TUBB8B: variants seen among roughly 807,000 people sequenced by gnomAD.
TUBB8B encodes the protein HSA18p11 beta-tubulin 4Q pseudogene.
A neutral mutation model predicts 31.9 loss-of-function variants in TUBB8B; 26 were observed. The ratio of observed to expected loss-of-function variants is 0.81; its 90% CI spans 0.60 to 1.13. TUBB8B has a LOEUF of 1.13. Ranked by LOEUF, TUBB8B falls within the 50% of genes most tolerant of loss-of-function variation. TUBB8B has a pLI of 0.00. For missense variants in TUBB8B, 467 were observed against 586.7 expected, an observed-to-expected ratio of 0.80 and a Z score of 2.11; for synonymous variants, 173 against 231.0, an observed-to-expected ratio of 0.75 and a Z score of 2.28.
chr18:48,680 C>CT lies in TUBB8B; in HGVS notation c.278-234dup, dbSNP rs996797051. On this transcript the variant is annotated intron_variant, in intron 3 of 3. Coordinates refer to ENST00000308911, the MANE Select transcript of TUBB8B (RefSeq NM_001358689.2). ...TCACAGACCTCGCTGCAGGTGGCTCCTGCCCATTCTCAGGAAAGGCAGTAG... is the reference window on the plus strand; with the variant it reads ...TCACAGACCTCGCTGCAGGTGGCTCCTTGCCCATTCTCAGGAAAGGCAGTAG... The CT allele has an allele frequency of 5.7e-5, 38 of 661,082 alleles. 2 individuals carry two copies. Among genetic ancestry groups the CT allele is most frequent in the Non-Finnish European group, 9.6e-5 (35 of 366,332 alleles). The allele number at this position is 661,082 out of a possible 1,614,324, so 41.0% of individuals were successfully genotyped here.
At chr18:52,520 G>A (rs1906150595), upstream of TUBB8B, among the ~76,000 whole-genome samples, 2 of 151,546 alleles carry the variant, frequency 1.3e-5, no homozygotes, top group Non-Finnish European at 1.5e-5. Context: ...TTATACCCTA[G>A]GGCCTCTCAC....
the TUBB8B span, among the ~76,000 whole-genome samples, chr18:55,261 C>T: frequency 6.6e-6 from 1 of 151,724 alleles, no homozygotes; most frequent in South Asian, 2.1e-4. Context: ...ACACCATGCC[C>T]AGCTAAGTTT....
At chr18:49,673 C>T (rs1170385952), upstream of TUBB8B, 2 of 698,678 alleles carry the variant, frequency 2.9e-6, no homozygotes, top group South Asian at 3.1e-5. Context: ...CCCTCAGCCT[C>T]CGATTGGGCT....
At chr18:49,431 C>G in intron 1 of TUBB8B, 70 bp downstream of exon 1, 7 of 915,650 alleles carry the variant, frequency 7.6e-6, no homozygotes, top group Non-Finnish European at 1.2e-5. Flanking sequence ...GCACCGCTCC[C>G]GCCACTGCCA....
At chr18:67,702 T>C in the TUBB8B span, among the ~76,000 whole-genome samples, 1 of 152,094 alleles carries the variant, frequency 6.6e-6, no homozygotes, top group African/African-American at 2.4e-5. Flanking sequence ...TCTGTGAAGG[T>C]GTTTTCAGAA....
chr18:68,216 C>T, the TUBB8B span, among the ~76,000 whole-genome samples: 1 of 152,138 alleles, frequency 6.6e-6, no homozygotes, highest in South Asian at 2.1e-4. Flanking sequence ...CTTGCAATAG[C>T]AGTGTAAAGT....
At chr18:56,495 C>A in the TUBB8B span, among the ~76,000 whole-genome samples, 2 of 151,626 alleles carry the variant, frequency 1.3e-5, no homozygotes, top group African/African-American at 4.8e-5. Context: ...TCTTTCATTT[C>A]TTTTATCGGT....
intron 3 of TUBB8B, 30 bp from the exon 4 acceptor site, chr18:48,477 G>A (rs576277579): frequency 2.1e-5 from 24 of 1,146,634 alleles, no homozygotes; most frequent in Middle Eastern, 2.2e-4. Flanking sequence ...GTCACTCGAC[G>A]GCCAGGTATA....
At chr18:73,003 CG>C in the TUBB8B span, among the ~76,000 whole-genome samples, 2 of 152,082 alleles carry the variant, frequency 1.3e-5, no homozygotes, top group African/African-American at 4.8e-5. Flanking sequence ...AGCACTGATC[CG>C]GGGGTGCCTG....
At chr18:64,255 C>T in the TUBB8B span, among the ~76,000 whole-genome samples, 4 of 152,162 alleles carry the variant, frequency 2.6e-5, no homozygotes, top group Non-Finnish European at 5.9e-5. Flanking sequence ...CTTATGTTTG[C>T]ACTTCCTCTC....
the TUBB8B span, among the ~76,000 whole-genome samples, chr18:64,572 A>G: frequency 4.6e-5 from 7 of 152,044 alleles, no homozygotes; most frequent in African/African-American, 1.7e-4. Flanking sequence ...TTAAAAAAAA[A>G]AAAATAGTTG....
Position 47,393 on chromosome 18 carries a change from G to A in TUBB8B, c.1332C>T (p.Ala444=). 1.0e-6 allele frequency: 1 copy of A among 958,920 alleles called. No homozygotes were observed. 59.4% of individuals were successfully genotyped at this position (958,920 alleles called of 1,614,324 possible). A position where few individuals can be genotyped will look rare whatever the true frequency, so the allele number is the denominator to read the frequency against. ...EDEEYAEEEV[A] is the part of the protein sequence containing the mutation. ...CTTTACCTAGAAAAGGAGAGTTCTA[G>A]GCCACCTCCTCCTCGGCATACTCCT... is the stretch of plus-strand genomic sequence containing the variant. Residue 444 remains alanine, a synonymous_variant, in exon 4 of 4, where the codon GCC becomes GCT. Coordinates refer to ENST00000308911, the MANE Select transcript of TUBB8B (RefSeq NM_001358689.2).
At chr18:60,108 C>T in the TUBB8B span, among the ~76,000 whole-genome samples, 1 of 151,674 alleles carries the variant, frequency 6.6e-6, no homozygotes, top group Non-Finnish European at 1.5e-5. Context: ...CTTTCCTTCT[C>T]TATTTTTCAG....
chr18:63,515 C>T, the TUBB8B span, among the ~76,000 whole-genome samples: 1 of 151,750 alleles, frequency 6.6e-6, no homozygotes, highest in Non-Finnish European at 1.5e-5. Flanking sequence ...GCCATCACCA[C>T]TGAGACTGCG....
the TUBB8B span, among the ~76,000 whole-genome samples, chr18:65,860 A>G: frequency 2.0e-5 from 3 of 152,224 alleles, no homozygotes; most frequent in African/African-American, 7.2e-5. Flanking sequence ...CAAAATTACA[A>G]CACAAAATGT....
rs1276794012 is a variant in TUBB8B at position 49,371 on chromosome 18, C to T, written c.57+130G>A. ...GGTCCACCCCAGCCGCCTCGCCAGC[C>T]ACCCGGTTCCACCGTCCCCGGCAGG... is the stretch of plus-strand genomic sequence containing the variant. On this transcript the variant is annotated intron_variant, in intron 1 of 3. Coordinates refer to ENST00000308911, the MANE Select transcript of TUBB8B (RefSeq NM_001358689.2). 11 of 789,188 alleles carry T rather than the reference C, an allele frequency of 1.4e-5. No homozygotes were observed. In the East Asian group the frequency reaches 2.5e-4, roughly 18 times the overall value. 48.9% of individuals were successfully genotyped at this position (789,188 alleles called of 1,614,324 possible). A position where few individuals can be genotyped will look rare whatever the true frequency, so the allele number is the denominator to read the frequency against.
At chr18:53,374 T>G (rs1906185530), upstream of TUBB8B, among the ~76,000 whole-genome samples, 1 of 151,976 alleles carries the variant, frequency 6.6e-6, no homozygotes, top group Admixed American at 6.6e-5. Context: ...AGATTGGATA[T>G]AAAGTAACAA....
At chr18:70,659 A>G in the TUBB8B span, among the ~76,000 whole-genome samples, 119 of 151,670 alleles carry the variant, frequency 7.8e-4, no homozygotes, top group African/African-American at 2.8e-3. Flanking sequence ...AAAAAGAAAA[A>G]TACTGCAGGG....
Position 48,943 on chromosome 18 carries a change from A to G in TUBB8B, c.274T>C (p.Ser92Pro), listed in dbSNP as rs1345836393. Residue 92 changes from serine to proline, a missense_variant, in exon 3 of 4, where the codon TCC (serine) becomes CCC (proline). By Grantham distance (74) the Ser-to-Pro change is moderately conservative (BLOSUM62 -1). This residue lies in a region of TUBB8B where 259 missense variants were observed against 380.1 expected (regional missense o/e 0.68). Coordinates refer to ENST00000308911, the MANE Select transcript of TUBB8B (RefSeq NM_001358689.2). The stretch of plus-strand genomic sequence containing the variant: ...CCAGTCCTCGCCCGCAGCTCACCGG[A>G]AATGAAGTTGTCTGGCCTGAAGACC... ...GQVFRPDNFISGQCGAGNNWA... is the reference protein window; with the variant it reads ...GQVFRPDNFIPGQCGAGNNWA... 1.3e-5 allele frequency: 20 copies of G among 1,588,524 alleles called. No homozygotes were observed. Among genetic ancestry groups the G allele is most frequent in the Non-Finnish European group, 1.6e-5 (19 of 1,158,230 alleles).
Sources: gnomAD v4.1 joint callset for allele counts (sites outside exome capture counted in the v4.1 genomes callset) on GRCh38, gnomAD v4.1.1 for gene constraint, gnomAD v4.1.1 regional missense constraint, MANE v1.5 for transcripts, NCBI Gene and HGNC (gene_info 2026-07-23, HGNC 2026-07-21) for gene names.